STAT4: variants seen among roughly 807,000 people sequenced by gnomAD.
STAT4 encodes the protein signal transducer and activator of transcription 4.
Under a neutral mutation model 110.5 loss-of-function variants are expected in STAT4, and 42 were observed. The ratio of observed to expected loss-of-function variants is 0.38; its 90% CI spans 0.30 to 0.49. STAT4 has a LOEUF of 0.49. Among genes scored for constraint, STAT4 ranks in the 20% least tolerant of loss-of-function variants. The pLI is 0.95. For synonymous variants in STAT4, 284 were observed against 302.2 expected (o/e 0.94, Z 0.63); for missense variants, 632 against 887.9 (o/e 0.71, Z 3.66).
chr2:191,122,646 G>A (rs1170796910), intron 3 of STAT4, among the ~76,000 whole-genome samples: 1 of 152,148 alleles, frequency 6.6e-6, no homozygotes, highest in Non-Finnish European at 1.5e-5. Context: ...TTGTACTATA[G>A]TTATACAATG....
At position 191,150,157 on chromosome 2, in the gene STAT4, T is replaced by A. The variant is rs1013731087; in HGVS notation, c.-2+790A>T. On this transcript the variant is annotated intron_variant, in intron 1 of 23. Coordinates refer to ENST00000392320, the MANE Select transcript of STAT4 (RefSeq NM_003151.4). This position sits in a 1 kb window ranked among gnomAD's most constrained non-coding sequence, Gnocchi z 6.4. ...AAAATAAAAGGAAAATTAAAAAAAA[T>A]AAAAATAAACACCGAAAAAAATCAC... Among the ~76,000 whole-genome samples the A allele has an allele frequency of 1.3e-5, 2 of 151,762 alleles. No individual in the cohort carries two copies. Among genetic ancestry groups the A allele is most frequent in the Non-Finnish European group, 1.5e-5 (1 of 67,926 alleles).
In STAT4 at chr2:191,042,715, T is replaced by C. The variant is rs954069641; in HGVS notation, c.1252-1567A>G. Among the ~76,000 whole-genome samples, 4 of 152,142 alleles carry C rather than the reference T, an allele frequency of 2.6e-5. No homozygotes were observed. Among genetic ancestry groups the C allele is most frequent in the African/African-American group, 9.7e-5 (4 of 41,414 alleles). The stretch of plus-strand genomic sequence containing the variant: ...TAGGTGAAAAATAGGTTAAATAAGA[T>C]AGGCAAAATATTAATCATTGTTGAA... On this transcript the variant is annotated intron_variant, in intron 14 of 23. Coordinates refer to ENST00000392320, the MANE Select transcript of STAT4 (RefSeq NM_003151.4). The surrounding 1 kb of genome is among the most constrained non-coding windows in gnomAD (Gnocchi z 4.2).
At chr2:191,128,355 G>A (rs1489403009) in intron 3 of STAT4, among the ~76,000 whole-genome samples, 1 of 152,172 alleles carries the variant, frequency 6.6e-6, no homozygotes, top group Non-Finnish European at 1.5e-5. Flanking sequence ...TGTGTGTGGT[G>A]TATAGAGGGG....
At chr2:191,056,543 A>G (rs537139038) in intron 13 of STAT4, among the ~76,000 whole-genome samples, 2 of 152,214 alleles carry the variant, frequency 1.3e-5, no homozygotes, top group Admixed American at 1.3e-4. Flanking sequence ...ATGCCTATCC[A>G]TTATTGCATG....
In STAT4 at chr2:191,043,586, A is replaced by AAT. The variant is rs1370087679; in HGVS notation, c.1252-2440_1252-2439dup. On this transcript the variant is annotated intron_variant, in intron 14 of 23. Transcript: ENST00000392320. The surrounding 1 kb of genome is among the most constrained non-coding windows in gnomAD (Gnocchi z 4.8). ...TCTGATTCTGACTCATCTGCTACCA[A>AAT]ATATATATAGGTCAAAGATTTTTTG... 7.9e-5 allele frequency among the ~76,000 whole-genome samples: 12 copies of AAT among 152,276 alleles called. No homozygotes were observed. Among genetic ancestry groups the AAT allele is most frequent in the African/African-American group, 2.2e-4 (9 of 41,558 alleles).
intron 8 of STAT4, 101 bp downstream of exon 8, chr2:191,064,706 G>T: frequency 7.3e-7 from 1 of 1,377,242 alleles, no homozygotes; most frequent in Non-Finnish European, 9.8e-7. Context: ...TAAACTGAAT[G>T]AACTGATGTT....
chr2:191,081,262 T>C (rs1574137862), intron 3 of STAT4, among the ~76,000 whole-genome samples: 1 of 152,222 alleles, frequency 6.6e-6, no homozygotes, highest in East Asian at 1.9e-4. Flanking sequence ...CTGGGTTGGT[T>C]CCAAGTCTTT....
chr2:191,125,922 C>T (rs1263232422), intron 3 of STAT4, among the ~76,000 whole-genome samples: 1 of 152,124 alleles, frequency 6.6e-6, no homozygotes, highest in Non-Finnish European at 1.5e-5. Flanking sequence ...AACCAACATC[C>T]TCCCTGAGTC....
rs1696867657 is a variant in STAT4 at position 191,062,206 on chromosome 2, C to T, written c.942-385G>A. On this transcript the variant is annotated intron_variant, in intron 9 of 23. Coordinates refer to ENST00000392320, the MANE Select transcript of STAT4 (RefSeq NM_003151.4). The surrounding 1 kb of genome is among the most constrained non-coding windows in gnomAD (Gnocchi z 4.9). ...AGTATCTAGGACTATAGGGATGTGC[C>T]ACCATGCCTGGATACATTTTTTATT... is the stretch of plus-strand genomic sequence containing the variant. 6.6e-6 allele frequency among the ~76,000 whole-genome samples: 1 copy of T among 152,054 alleles called. No individual in the cohort carries two copies. Among genetic ancestry groups the T allele is most frequent in the Non-Finnish European group, 1.5e-5 (1 of 68,018 alleles).
At chr2:191,126,674 C>G (rs1023993799) in intron 3 of STAT4, among the ~76,000 whole-genome samples, 1 of 152,188 alleles carries the variant, frequency 6.6e-6, no homozygotes, top group African/African-American at 2.4e-5. Context: ...TTACAGCTGT[C>G]AGGCCAGCAG....
At position 191,060,838 on chromosome 2, in the gene STAT4, C is replaced by T. The variant is rs1424578256; in HGVS notation, c.1034+891G>A. Among the ~76,000 whole-genome samples, 1 of 152,140 alleles carries T rather than the reference C, an allele frequency of 6.6e-6. No individual in the cohort carries two copies. Among genetic ancestry groups the T allele is most frequent in the Non-Finnish European group, 1.5e-5 (1 of 68,024 alleles). On this transcript the variant is annotated intron_variant, in intron 10 of 23. Transcript: ENST00000392320. The surrounding 1 kb of genome is among the most constrained non-coding windows in gnomAD (Gnocchi z 4.5). ...TTAATGGTGTCTTAAAAATGCAAAC[C>T]GAAGACAAATGCCTTCTCTTTAAAA...
Position 191,039,367 on chromosome 2 carries a change from T to C in STAT4, c.1336-70A>G. The C allele has an allele frequency of 7.0e-7, 1 of 1,425,642 alleles. No homozygotes were observed. The highest frequency in any genetic ancestry group is 9.9e-7 in the Non-Finnish European group (1 of 1,010,950). 88.3% of individuals were successfully genotyped at this position (1,425,642 alleles called of 1,614,324 possible). On this transcript the variant is annotated intron_variant, in intron 15 of 23. Coordinates refer to ENST00000392320, the MANE Select transcript of STAT4 (RefSeq NM_003151.4). This position sits in a 1 kb window ranked among gnomAD's most constrained non-coding sequence, Gnocchi z 4.7. ...CTTACATTGATCTTATGCTTGACCCTCGCCTCTAAAGGGCCAATCTCAAGC... is the reference window on the plus strand; with the variant it reads ...CTTACATTGATCTTATGCTTGACCCCCGCCTCTAAAGGGCCAATCTCAAGC...
In STAT4 at chr2:191,100,989, AT is replaced by A. The variant is rs142157206; in HGVS notation, c.274-24665del. ...AACATGTACTGTCATTAACTATGACATTTTTTTTTAAGCCACTTTTACCTCT... is the reference window on the plus strand; with the variant it reads ...AACATGTACTGTCATTAACTATGACATTTTTTTTAAGCCACTTTTACCTCT... On this transcript the variant is annotated intron_variant, in intron 3 of 23. Transcript: ENST00000392320. 7.2e-3 allele frequency among the ~76,000 whole-genome samples: 1,090 copies of A among 150,916 alleles called. 13 individuals are homozygous for A. Among genetic ancestry groups the A allele is most frequent in the African/African-American group, 0.025 (1,022 of 41,186 alleles).
At chr2:191,084,485 C>G (rs1236748410) in intron 3 of STAT4, among the ~76,000 whole-genome samples, 2 of 151,908 alleles carry the variant, frequency 1.3e-5, no homozygotes, top group African/African-American at 2.4e-5. Flanking sequence ...GTAATTAAAA[C>G]TACTAAATAC....
chr2:191,039,775 T>A lies in STAT4; in HGVS notation c.1336-478A>T, dbSNP rs939111067. Among the ~76,000 whole-genome samples, 1 of 152,218 alleles carries A rather than the reference T, an allele frequency of 6.6e-6. No individual in the cohort carries two copies. Among genetic ancestry groups the A allele is most frequent in the African/African-American group, 2.4e-5 (1 of 41,466 alleles). On this transcript the variant is annotated intron_variant, in intron 15 of 23. Coordinates refer to ENST00000392320, the MANE Select transcript of STAT4 (RefSeq NM_003151.4). This position sits in a 1 kb window ranked among gnomAD's most constrained non-coding sequence, Gnocchi z 4.7. ...GTTTCTATTGTAAAAATAGGAGAGA[T>A]AAGCTATGGGAGATAGAGCCGTCTG...
intron 16 of STAT4, among the ~76,000 whole-genome samples, chr2:191,038,442 G>T (rs997001023): frequency 6.6e-5 from 10 of 152,198 alleles, no homozygotes; most frequent in African/African-American, 2.2e-4. Context: ...TAAAGTAGAA[G>T]AATTCTTCCC....
chr2:191,088,373 A>G (rs974095480), intron 3 of STAT4, among the ~76,000 whole-genome samples: 1 of 152,222 alleles, frequency 6.6e-6, no homozygotes, highest in Non-Finnish European at 1.5e-5. Context: ...TGGATAAGAT[A>G]TGTAAGGAAA....
chr2:191,049,286 T>G (rs1696451183), intron 14 of STAT4, among the ~76,000 whole-genome samples: 1 of 151,672 alleles, frequency 6.6e-6, no homozygotes, highest in South Asian at 2.1e-4. Flanking sequence ...GCCATTCTCT[T>G]GCCTCAGCCT....
chr2:191,076,058 T>C, intron 4 of STAT4, 169 bp downstream of exon 4: 1 of 566,256 alleles, frequency 1.8e-6, no homozygotes, highest in Non-Finnish European at 3.2e-6. Flanking sequence ...CTTGCTGCAT[T>C]GGCCAGACTG....
Sources: allele counts gnomAD v4.1 joint callset (sites outside exome capture counted in the v4.1 genomes callset), GRCh38; gene constraint gnomAD v4.1.1; non-coding constraint Gnocchi (gnomAD v3.1); transcripts MANE v1.5; gene names NCBI Gene and HGNC (gene_info 2026-07-23, HGNC 2026-07-21).